FSCN2: variants seen among roughly 807,000 people sequenced by gnomAD.
FSCN2 encodes fascin-2.
FSCN2 carries 46 observed loss-of-function variants against 37.8 expected under a neutral mutation model. The observed-to-expected ratio is 1.22, with a 90% CI of 0.96 to 1.56. The LOEUF is 1.56. Ranked by LOEUF, FSCN2 falls within the 40% of genes most tolerant of loss-of-function variation. The pLI is 0.00. For synonymous variants in FSCN2, 351 were observed against 309.4 expected, an observed-to-expected ratio of 1.13 and a Z score of -1.41; for missense variants, 844 against 730.4, an observed-to-expected ratio of 1.16 and a Z score of -1.79.
chr17:81,519,684 T>TG, the FSCN2 span, among the ~76,000 whole-genome samples: 3 of 152,070 alleles, frequency 2.0e-5, no homozygotes, highest in Non-Finnish European at 4.4e-5. Flanking sequence ...CAGGGCTGCC[T>TG]GGGGAGGGGC....
At chr17:81,521,018 C>T in the FSCN2 span, among the ~76,000 whole-genome samples, 10 of 152,012 alleles carry the variant, frequency 6.6e-5, no homozygotes, top group East Asian at 1.9e-4. Context: ...AACCCTTCAG[C>T]GGAGTTTTTC....
chr17:81,531,615 ATGGTGATGG>A (rs2032612438), intron 1 of FSCN2, among the ~76,000 whole-genome samples: 4 of 97,156 alleles, frequency 4.1e-5, no homozygotes, highest in African/African-American at 1.2e-4. Context: ...AATGGTGATG[ATGGTGATGG>A]TGGTGGTGAT....
At chr17:81,531,360 G>A (rs1187203930) in intron 1 of FSCN2, among the ~76,000 whole-genome samples, 24 of 118,376 alleles carry the variant, frequency 2.0e-4, no homozygotes, top group Non-Finnish European at 2.8e-4. Flanking sequence ...GATGGTGATG[G>A]TGATGATGGT....
At chr17:81,531,318 A>ATGG (rs781882828) in intron 1 of FSCN2, among the ~76,000 whole-genome samples, 2 of 39,900 alleles carry the variant, frequency 5.0e-5, no homozygotes, top group African/African-American at 1.0e-4. Context: ...GGTGGTGGTG[A>ATGG]TGATGGTGGT....
chr17:81,528,442 G>A lies in FSCN2; in HGVS notation c.-90G>A, dbSNP rs535926953. 6.2e-4 allele frequency: 618 copies of A among 1,004,686 alleles called. 2 individuals carry two copies. Among genetic ancestry groups the A allele is most frequent in the Admixed American group, 2.4e-3 (107 of 44,494 alleles). 62.2% of individuals were successfully genotyped at this position (1,004,686 alleles called of 1,614,324 possible). A position where few individuals can be genotyped will look rare whatever the true frequency, so the allele number is the denominator to read the frequency against. On this transcript the variant is annotated 5_prime_UTR_variant, in exon 1 of 5. Transcript: ENST00000417245. ...TGGGTCTGGGGGCTGTGGGCCAGCC[G>A]AGCCGACCCGGGCTTCTGGGGGACC...
At chr17:81,516,554 T>G in the FSCN2 span, among the ~76,000 whole-genome samples, 203 of 152,282 alleles carry the variant, frequency 1.3e-3, no homozygotes, top group Non-Finnish European at 2.0e-3. Flanking sequence ...TGGAGTGGGC[T>G]CTGCCTCTTC....
chr17:81,521,029 A>G, the FSCN2 span, among the ~76,000 whole-genome samples: 6 of 151,274 alleles, frequency 4.0e-5, no homozygotes, highest in Admixed American at 4.0e-4. Context: ...GGAGTTTTTC[A>G]TTTTATTTAT....
chr17:81,533,237 C>G (rs900988321), intron 1 of FSCN2, among the ~76,000 whole-genome samples: 8 of 152,210 alleles, frequency 5.3e-5, no homozygotes, highest in African/African-American at 1.7e-4. Context: ...ATGTATCCCC[C>G]CCCATCGGCC....
At chr17:81,531,653 AGTG>A in intron 1 of FSCN2, among the ~76,000 whole-genome samples, 1 of 38,630 alleles carries the variant, frequency 2.6e-5, no homozygotes, top group South Asian at 1.1e-3. Flanking sequence ...TGGTGATGAT[AGTG>A]ATGGTGATGA....
intron 1 of FSCN2, among the ~76,000 whole-genome samples, chr17:81,533,726 C>A (rs1299177882): frequency 6.6e-6 from 1 of 152,210 alleles, no homozygotes; most frequent in Non-Finnish European, 1.5e-5. Context: ...CAGACCAAGG[C>A]GGACTCCACT....
upstream of FSCN2, among the ~76,000 whole-genome samples, chr17:81,525,546 C>G (rs1555670014): frequency 1.4e-5 from 2 of 147,854 alleles, no homozygotes; most frequent in African/African-American, 5.1e-5. Context: ...CATAATGAAG[C>G]CCCGTGTCTA....
the FSCN2 span, among the ~76,000 whole-genome samples, chr17:81,518,591 C>T: frequency 4.1e-4 from 62 of 152,324 alleles, 1 homozygote; most frequent in South Asian, 0.012. Flanking sequence ...GCTGACTCTC[C>T]GCACGGACCC....
At chr17:81,525,031 G>C (rs551933626), upstream of FSCN2, among the ~76,000 whole-genome samples, 21 of 152,266 alleles carry the variant, frequency 1.4e-4, no homozygotes, top group African/African-American at 4.8e-4. Flanking sequence ...AAGGTGGGAG[G>C]ATCGCCGGAG....
chr17:81,532,251 ATGATGATGATGATAG>A (rs2032688451), intron 1 of FSCN2, among the ~76,000 whole-genome samples: 2 of 115,400 alleles, frequency 1.7e-5, no homozygotes, highest in Admixed American at 2.0e-4. Flanking sequence ...GGTGATGGTG[ATGATGATGATGATAG>A]TGATGGTGGT....
At chr17:81,536,555 C>G (rs1257574442) in intron 3 of FSCN2, 67 bp from the exon 4 acceptor site, 5 of 1,587,568 alleles carry the variant, frequency 3.1e-6, no homozygotes, top group Non-Finnish European at 4.3e-6. Context: ...CCCAGGGCCC[C>G]CACCCCGCCC....
chr17:81,531,652 TA>T (rs1342707389), intron 1 of FSCN2, among the ~76,000 whole-genome samples: 1 of 133,778 alleles, frequency 7.5e-6, no homozygotes, highest in Admixed American at 7.3e-5. Context: ...GTGGTGATGA[TA>T]GTGATGGTGA....
upstream of FSCN2, chr17:81,527,520 C>T (rs1274413083): frequency 6.6e-6 from 1 of 152,434 alleles, no homozygotes; most frequent in African/African-American, 2.4e-5. Flanking sequence ...ACAGGTGTGA[C>T]CACTTCCAGT....
Position 81,529,123 on chromosome 17 carries a change from G to A in FSCN2, c.592G>A (p.Gly198Ser), listed in dbSNP as rs782002967. 21 of 1,582,382 alleles carry A rather than the reference G, an allele frequency of 1.3e-5. No individual in the cohort carries two copies. The highest frequency in any genetic ancestry group is 5.4e-5 in the Admixed American group (3 of 55,256). The change falls in exon 1 of 5, where the codon GGC becomes AGC. Residue 198 changes from glycine (G) to serine (S), a missense_variant. Transcript: ENST00000417245. ...TGACAGCCGCTACCTGCGCAGCGAC[G>A]GCCGTCTGGTCTGGGAGCCTGAGCC... ...SCDSRYLRSDGRLVWEPEPRA... is the reference protein window; with the variant it reads ...SCDSRYLRSDSRLVWEPEPRA...
chr17:81,529,224 C>A lies in FSCN2; in HGVS notation c.693C>A (p.Pro231=). The change falls in exon 1 of 5, where the codon CCC becomes CCA. Residue 231 remains proline (P), a synonymous_variant. Transcript: ENST00000417245. ...FKDCDGHYLA[P]VGPAGTLKAG... ...ACTGCGACGGCCACTACCTGGCACCCGTGGGGCCCGCAGGCACCCTCAAGG... is the reference window on the plus strand; with the variant it reads ...ACTGCGACGGCCACTACCTGGCACCAGTGGGGCCCGCAGGCACCCTCAAGG... 1 of 1,599,272 alleles carries A rather than the reference C, an allele frequency of 6.3e-7. No homozygotes were observed.
Sources: allele counts gnomAD v4.1 joint callset (sites outside exome capture counted in the v4.1 genomes callset), GRCh38; gene constraint gnomAD v4.1.1; transcripts MANE v1.5; gene names NCBI Gene and HGNC (gene_info 2026-07-23, HGNC 2026-07-21).